The following RBM6 variants were observed in gnomAD, a reference collection of about 807,000 sequenced individuals.
RBM6 encodes the protein RNA binding motif protein 6.
In RBM6, 23 loss-of-function variants were observed where a neutral mutation model predicts 140.4. The ratio of observed to expected loss-of-function variants is 0.16; its 90% confidence interval spans 0.12 to 0.23. RBM6 has a LOEUF of 0.23. Ranked by LOEUF, RBM6 falls within the 10% of genes least tolerant of loss-of-function variation. The probability of loss-of-function intolerance (pLI) is 1.00; values close to 1 mark genes in which losing one functional copy is unlikely to be tolerated. For synonymous variants in RBM6, 439 were observed against 475.6 expected (o/e 0.92, Z 1.00); for missense variants, 1,139 against 1,386.7 (o/e 0.82, Z 2.84).
At chr3:50,052,591 A>G (rs776564470) in intron 7 of RBM6, among the ~76,000 whole-genome samples, 2 of 152,188 alleles carry the variant, frequency 1.3e-5, no homozygotes, top group African/African-American at 2.4e-5. Context: ...CTGTTGATCT[A>G]TATGTTTACA....
Position 49,962,616 on chromosome 3 carries a change from T to A in RBM6, c.-26T>A. 1.3e-6 allele frequency: 2 copies of A among 1,585,580 alleles called. No homozygotes were observed. Among genetic ancestry groups the A allele is most frequent in the Non-Finnish European group, 1.7e-6 (2 of 1,170,336 alleles). ...GAATTTGGTAGAAAAAGGATTTACT[T>A]GTTGGGGCCCTCTTGATAAAAAGAG... On this transcript the variant is annotated 5_prime_UTR_variant, in exon 2 of 21. Transcript: ENST00000266022.
chr3:49,946,597 A>G (rs2083495849), intron 1 of RBM6, among the ~76,000 whole-genome samples: 1 of 151,940 alleles, frequency 6.6e-6, no homozygotes, highest in South Asian at 2.1e-4. Context: ...GTGAAGTGGC[A>G]TGATCTCGGC....
At chr3:49,984,458 A>G (rs1425772939) in intron 5 of RBM6, among the ~76,000 whole-genome samples, 1 of 152,086 alleles carries the variant, frequency 6.6e-6, no homozygotes, top group African/African-American at 2.4e-5. Flanking sequence ...AAATACAAAA[A>G]CTAGCTGGGC....
chr3:50,053,660 C>A (rs1214526547), intron 7 of RBM6, among the ~76,000 whole-genome samples: 1 of 152,192 alleles, frequency 6.6e-6, no homozygotes, highest in Non-Finnish European at 1.5e-5. Context: ...AGTTCTTACT[C>A]TTTTATTTCC....
At chr3:50,046,389 G>A (rs761007949) in intron 6 of RBM6, among the ~76,000 whole-genome samples, 2 of 151,712 alleles carry the variant, frequency 1.3e-5, no homozygotes, top group African/African-American at 2.4e-5. Flanking sequence ...AGACCAGCCT[G>A]ACCAACGTGG....
intron 20 of RBM6, 100 bp downstream of exon 20, chr3:50,075,430 T>C: frequency 6.8e-7 from 1 of 1,466,582 alleles, no homozygotes; most frequent in Non-Finnish European, 9.3e-7. Flanking sequence ...TTGCTGGGCT[T>C]TCTCTACTGC....
At chr3:49,990,228 T>C (rs1027978437) in intron 5 of RBM6, among the ~76,000 whole-genome samples, 1 of 152,194 alleles carries the variant, frequency 6.6e-6, no homozygotes, top group African/African-American at 2.4e-5. Context: ...TTACACAAAC[T>C]AGATGTTATA....
In RBM6 at chr3:50,057,996, G is replaced by A; in HGVS notation, c.1962G>A (p.Glu654=). 6.2e-7 allele frequency: 1 copy of A among 1,612,944 alleles called. No homozygotes were observed. Among genetic ancestry groups the A allele is most frequent in the South Asian group, 1.1e-5 (1 of 91,016 alleles). ...CTGGAGAGACACGCCAGGATGGAGA[G>A]AGCAAAAGTAAGTAGTTTGTCAGGG... ...SWSGETRQDG[E]SKTIMLKRIY... The change falls in exon 9 of 21, where the codon GAG becomes GAA. Residue 654 remains glutamate (E), a synonymous_variant. Coordinates refer to ENST00000266022, the MANE Select transcript of RBM6 (RefSeq NM_005777.3).
intron 6 of RBM6, among the ~76,000 whole-genome samples, chr3:50,044,910 T>C (rs1031025268): frequency 7.2e-5 from 11 of 152,162 alleles, no homozygotes; most frequent in Non-Finnish European, 1.6e-4. Flanking sequence ...AATAATTTTT[T>C]TAAGAGAGAA....
At chr3:50,001,753 A>G (rs1052755713) in intron 6 of RBM6, among the ~76,000 whole-genome samples, 2 of 152,212 alleles carry the variant, frequency 1.3e-5, no homozygotes, top group Non-Finnish European at 2.9e-5. Flanking sequence ...TCCTATTCTG[A>G]CAGTCTGTCC....
At position 49,958,782 on chromosome 3, in the gene RBM6, CTTTTT is replaced by C. The variant is rs35853185; in HGVS notation, c.-66-3779_-66-3775del. 1.2e-4 allele frequency among the ~76,000 whole-genome samples: 14 copies of C among 114,368 alleles called. No homozygotes were observed. The East Asian group carries it at 2.7e-3, about 22-fold the overall frequency. 75.0% of individuals were successfully genotyped at this position (114,368 alleles called of 152,430 possible). On this transcript the variant is annotated intron_variant, in intron 1 of 20. Coordinates refer to ENST00000266022, the MANE Select transcript of RBM6 (RefSeq NM_005777.3). ...AAAAAAAATTCATTCTGAAGAATTC[CTTTTT>C]TTTTTTTTTTTTTTGTAAAAATGGA...
intron 5 of RBM6, among the ~76,000 whole-genome samples, chr3:49,987,133 C>T (rs902631936): frequency 2.0e-5 from 3 of 151,862 alleles, no homozygotes; most frequent in African/African-American, 7.3e-5. Context: ...AGTGCAGTGG[C>T]ACGATCTTGG....
chr3:50,064,954 G>A, intron 15 of RBM6, 77 bp from the exon 16 acceptor site: 1 of 1,252,250 alleles, frequency 8.0e-7, no homozygotes, highest in Non-Finnish European at 1.2e-6. Context: ...TTATAGGCGT[G>A]AGCCACCGCA....
chr3:49,980,487 C>A (rs192679004), intron 5 of RBM6, among the ~76,000 whole-genome samples: 2 of 151,520 alleles, frequency 1.3e-5, no homozygotes, highest in Non-Finnish European at 2.9e-5. Context: ...GGGCCACACG[C>A]GGTGGCTCAC....
chr3:50,074,234 T>C (rs2090392172), intron 19 of RBM6, among the ~76,000 whole-genome samples: 1 of 152,244 alleles, frequency 6.6e-6, no homozygotes, highest in Admixed American at 6.5e-5. Context: ...AAACTCCTTA[T>C]TTCGAGATCC....
intron 6 of RBM6, among the ~76,000 whole-genome samples, chr3:50,022,779 C>T (rs897932569): frequency 6.6e-6 from 1 of 152,146 alleles, no homozygotes; most frequent in South Asian, 2.1e-4. Context: ...CCTGTCTAGT[C>T]TTAAGGTAAA....
At chr3:49,978,221 G>C (rs146829984) in intron 5 of RBM6, among the ~76,000 whole-genome samples, 25 of 152,060 alleles carry the variant, frequency 1.6e-4, no homozygotes, top group Admixed American at 2.6e-4. Context: ...GGCTGGTCTT[G>C]AACTCCTGGG....
Position 49,968,647 on chromosome 3 carries a change from G to A in RBM6, c.1222G>A (p.Asp408Asn), listed in dbSNP as rs1329954280. Residue 408 changes from aspartate (D) to asparagine (N), a missense_variant, in exon 3 of 21, where the codon GAT (aspartate) becomes AAT (asparagine). Asp to Asn is a conservative substitution (Grantham distance 23). This residue lies in a region of RBM6 where 566 missense variants were observed against 612.7 expected (regional missense o/e 0.92). Coordinates refer to ENST00000266022, the MANE Select transcript of RBM6 (RefSeq NM_005777.3). The part of the protein sequence containing the change: ...DTDYRSMEYR[D>N]VDHRLPGSQM... ...CGATTACAGAAGCATGGAGTACCGT[G>A]ATGTGGATCATAGGCTGCCAGGAAG... is the stretch of plus-strand genomic sequence containing the variant. 3 of 1,614,006 alleles carry A rather than the reference G, an allele frequency of 1.9e-6. No individual in the cohort carries two copies. Among genetic ancestry groups the A allele is most frequent in the Non-Finnish European group, 2.5e-6 (3 of 1,180,038 alleles).
At chr3:49,984,179 C>T (rs985138779) in intron 5 of RBM6, among the ~76,000 whole-genome samples, 1 of 152,008 alleles carries the variant, frequency 6.6e-6, no homozygotes, top group Non-Finnish European at 1.5e-5. Context: ...TGCTTGTAGT[C>T]CCAGCTACTT....
Sources: gnomAD v4.1 joint callset for allele counts (sites outside exome capture counted in the v4.1 genomes callset) on GRCh38, gnomAD v4.1.1 for gene constraint, gnomAD v4.1.1 regional missense constraint, MANE v1.5 for transcripts, NCBI Gene and HGNC (gene_info 2026-07-23, HGNC 2026-07-21) for gene names.